The following CNOT10 variants were observed in gnomAD, a reference collection of about 807,000 sequenced individuals.
The protein encoded by CNOT10 is CCR4-NOT transcription complex, subunit 10.
In CNOT10, 30 loss-of-function variants were observed where a neutral mutation model predicts 94.6. The ratio of observed to expected loss-of-function variants is 0.32; its 90% CI spans 0.24 to 0.43. The LOEUF is 0.43. CNOT10 is among the 20% of genes least tolerant of loss of function. The probability of loss-of-function intolerance (pLI) is 1.00; values close to 1 mark genes in which losing one functional copy is unlikely to be tolerated. For missense variants in CNOT10, 759 were observed against 877.2 expected (o/e 0.87, Z 1.70); for synonymous variants, 289 against 301.6 (o/e 0.96, Z 0.43).
intron 1 of CNOT10, among the ~76,000 whole-genome samples, chr3:32,702,667 T>G (rs943151904): frequency 2.6e-5 from 4 of 152,186 alleles, no homozygotes; most frequent in Admixed American, 2.6e-4. Flanking sequence ...ATCGTAGGTG[T>G]GTTTATATCT....
chr3:32,753,374 A>T lies in CNOT10; in HGVS notation c.1596-6084A>T, dbSNP rs1470509149. 4.9e-5 allele frequency: 67 copies of T among 1,368,962 alleles called. 2 individuals carry two copies. In the South Asian group the frequency reaches 5.0e-4, roughly 10 times the overall value. 84.8% of individuals were successfully genotyped at this position (1,368,962 alleles called of 1,614,324 possible). ...ATCGCAAGTAGTCATTACACTTACG[A>T]TCAAGAATGTTCAAAGAATGATGTA... is the stretch of plus-strand genomic sequence containing the variant. On this transcript the variant is annotated intron_variant, in intron 13 of 18. Transcript: ENST00000328834.
At chr3:32,713,396 A>T (rs1258796391) in intron 5 of CNOT10, 27 bp downstream of exon 5, 6 of 1,536,414 alleles carry the variant, frequency 3.9e-6, no homozygotes, top group South Asian at 1.2e-5. Flanking sequence ...GATCAGACTA[A>T]AATCTAAAAT....
chr3:32,768,379 C>A (rs950314573), intron 17 of CNOT10, among the ~76,000 whole-genome samples: 1 of 152,030 alleles, frequency 6.6e-6, no homozygotes, highest in African/African-American at 2.4e-5. Context: ...GTGAGGAGTT[C>A]AAGACTAGCC....
rs182467113 is a variant in CNOT10, at chr3:32,727,574, A to G, written c.1013-94A>G. On this transcript the variant is annotated intron_variant, in intron 9 of 18. Coordinates refer to ENST00000328834, the MANE Select transcript of CNOT10 (RefSeq NM_015442.3). ...CAGATCAGGATTATTGGTGTTAAAC[A>G]TGGTAGTGTCTAAGTACTTAATGGA... is the stretch of plus-strand genomic sequence containing the variant. The G allele has an allele frequency of 9.3e-4, 748 of 801,894 alleles. 7 individuals are homozygous for G. The Middle Eastern group carries it at 0.026, about 28-fold the overall frequency. 49.7% of individuals were successfully genotyped at this position (801,894 alleles called of 1,614,324 possible).
intron 1 of CNOT10, among the ~76,000 whole-genome samples, chr3:32,690,804 C>T (rs1384904264): frequency 2.0e-5 from 3 of 152,062 alleles, no homozygotes; most frequent in Non-Finnish European, 2.9e-5. Context: ...GCCTCGGCCT[C>T]CCAAAGTGCT....
At chr3:32,702,498 G>A (rs1490713854) in intron 1 of CNOT10, among the ~76,000 whole-genome samples, 1 of 152,084 alleles carries the variant, frequency 6.6e-6, no homozygotes, top group Non-Finnish European at 1.5e-5. Flanking sequence ...GAATTTATAT[G>A]GACACTTAAC....
At chr3:32,756,635 G>GGT (rs1054407336) in intron 13 of CNOT10, among the ~76,000 whole-genome samples, 8 of 152,220 alleles carry the variant, frequency 5.3e-5, no homozygotes, top group Admixed American at 6.5e-5. Context: ...CAACAGGAAA[G>GGT]GTGGGGGTCT....
chr3:32,719,975 T>G (rs1698297629), intron 7 of CNOT10, 139 bp from the exon 8 acceptor site: 1 of 443,090 alleles, frequency 2.3e-6, no homozygotes, highest in East Asian at 3.2e-5. Context: ...AATGAAAAAT[T>G]TAGAGACTAT....
At chr3:32,767,474 G>A (rs1458954518) in intron 17 of CNOT10, among the ~76,000 whole-genome samples, 4 of 145,164 alleles carry the variant, frequency 2.8e-5, no homozygotes, top group African/African-American at 7.7e-5. Flanking sequence ...AGCCGAGATC[G>A]CGCCATTGCA....
intron 1 of CNOT10, among the ~76,000 whole-genome samples, chr3:32,697,251 G>C (rs1256437915): frequency 6.6e-6 from 1 of 152,058 alleles, no homozygotes; most frequent in African/African-American, 2.4e-5. Context: ...TGTCCAGCCT[G>C]ATACTTCCAT....
chr3:32,737,007 T>A (rs1212194829), intron 12 of CNOT10, among the ~76,000 whole-genome samples: 1 of 152,116 alleles, frequency 6.6e-6, no homozygotes, highest in Non-Finnish European at 1.5e-5. Flanking sequence ...CTTTTACACT[T>A]TTGTTGTAAA....
At chr3:32,714,903 A>T (rs1293817940) in intron 5 of CNOT10, among the ~76,000 whole-genome samples, 2 of 152,118 alleles carry the variant, frequency 1.3e-5, no homozygotes, top group Non-Finnish European at 2.9e-5. Flanking sequence ...AACGTTGCCA[A>T]TACCTTTTTG....
chr3:32,729,054 C>T (rs1354014050), intron 10 of CNOT10, among the ~76,000 whole-genome samples: 1 of 152,124 alleles, frequency 6.6e-6, no homozygotes, highest in African/African-American at 2.4e-5. Context: ...CAAGATCGCG[C>T]CACTGCACTC....
chr3:32,690,387 T>G (rs1696797902), intron 1 of CNOT10, among the ~76,000 whole-genome samples: 1 of 152,064 alleles, frequency 6.6e-6, no homozygotes, highest in Non-Finnish European at 1.5e-5. Flanking sequence ...TTGGTTTTTT[T>G]GTTTTGTTTT....
intron 13 of CNOT10, among the ~76,000 whole-genome samples, chr3:32,749,514 A>T (rs1699866159): frequency 6.8e-6 from 1 of 147,596 alleles, no homozygotes. Flanking sequence ...GGTTCAAGTG[A>T]TTCTCCTGCC....
intron 13 of CNOT10, among the ~76,000 whole-genome samples, chr3:32,758,711 C>T (rs1014690150): frequency 6.6e-6 from 1 of 152,142 alleles, no homozygotes; most frequent in Non-Finnish European, 1.5e-5. Flanking sequence ...TTCAAGTGAT[C>T]TATTAGTATT....
chr3:32,713,949 T>G (rs1312957427), intron 5 of CNOT10, among the ~76,000 whole-genome samples: 3 of 152,198 alleles, frequency 2.0e-5, no homozygotes, highest in Admixed American at 2.0e-4. Context: ...TACTTTTTGG[T>G]TATTATATAT....
intron 1 of CNOT10, among the ~76,000 whole-genome samples, chr3:32,690,483 TA>T (rs966493004): frequency 7.2e-5 from 11 of 152,130 alleles, no homozygotes; most frequent in South Asian, 2.1e-4. Context: ...CTCCTGGGCT[TA>T]AGCAATCCTC....
rs759639172 is a variant in CNOT10 at position 32,734,770 on chromosome 3, A to G, written c.1338-30A>G. On this transcript the variant is annotated intron_variant, in intron 11 of 18. Coordinates refer to ENST00000328834, the MANE Select transcript of CNOT10 (RefSeq NM_015442.3). The stretch of plus-strand genomic sequence containing the variant: ...AGCCTTATTTTAAAATATTTTATCC[A>G]CTTAGCTAATTTGGTTTTGTTCTTT... 3 of 1,522,668 alleles carry G rather than the reference A, an allele frequency of 2.0e-6. No individual in the cohort carries two copies. In the East Asian group the frequency reaches 6.8e-5, roughly 35 times the overall value. The allele number at this position is 1,522,668 out of a possible 1,614,324, so 94.3% of individuals were successfully genotyped here.
Sources: allele counts gnomAD v4.1 joint callset (sites outside exome capture counted in the v4.1 genomes callset), GRCh38; gene constraint gnomAD v4.1.1; transcripts MANE v1.5; gene names NCBI Gene and HGNC (gene_info 2026-07-23, HGNC 2026-07-21).